NOL4: variants seen among roughly 807,000 people sequenced by gnomAD.
NOL4 encodes nucleolar protein 4, also known as cancer/testis antigen 125.
In NOL4, 17 loss-of-function variants were observed where a neutral mutation model predicts 75.9. That is an observed-to-expected ratio of 0.22 (90% confidence interval 0.15 to 0.34). The LOEUF is 0.34. Ranked by LOEUF, NOL4 falls within the 10% of genes least tolerant of loss-of-function variation. The probability of loss-of-function intolerance (pLI) is 1.00; values close to 1 mark genes in which losing one functional copy is unlikely to be tolerated. For missense variants in NOL4, 614 were observed against 793.5 expected, an observed-to-expected ratio of 0.77 and a Z score of 2.72; for synonymous variants, 292 against 289.9, an observed-to-expected ratio of 1.01 and a Z score of -0.07.
intron 2 of NOL4, among the ~76,000 whole-genome samples, chr18:34,120,332 G>A (rs2080081344): frequency 6.6e-6 from 1 of 152,194 alleles, no homozygotes; most frequent in East Asian, 1.9e-4. Context: ...TCATAAGCTA[G>A]CACATATACA....
chr18:33,918,254 T>C (rs1286737945), intron 9 of NOL4, among the ~76,000 whole-genome samples: 1 of 152,114 alleles, frequency 6.6e-6, no homozygotes, highest in Admixed American at 6.5e-5. Flanking sequence ...AGGCTGCTGG[T>C]TTCAAAGCAG....
chr18:34,056,975 T>C (rs925703196), intron 5 of NOL4, among the ~76,000 whole-genome samples: 2 of 152,210 alleles, frequency 1.3e-5, no homozygotes, highest in Non-Finnish European at 2.9e-5. Flanking sequence ...AAAAGTAACA[T>C]TGAACAAGGC....
rs529698241 is a variant in NOL4 at position 33,888,975 on chromosome 18, C to G, written c.1543-5551G>C. On this transcript the variant is annotated intron_variant, in intron 9 of 10. Transcript: ENST00000261592. ...ATTAAAAGAACTAGAGAAGCAAGAG[C>G]AAACAAATCAAAAGCTAGCAGAAGG... Among the ~76,000 whole-genome samples, 6 of 151,822 alleles carry G rather than the reference C, an allele frequency of 4.0e-5. No homozygotes were observed. The East Asian group carries it at 1.2e-3, about 29-fold the overall frequency.
chr18:33,952,865 G>A (rs918018227), intron 8 of NOL4, among the ~76,000 whole-genome samples: 13 of 152,214 alleles, frequency 8.5e-5, no homozygotes, highest in Middle Eastern at 6.8e-3. Flanking sequence ...TGGAGGTTGC[G>A]GTGAGCTGAG....
intron 5 of NOL4, among the ~76,000 whole-genome samples, chr18:34,059,122 C>CAT (rs55773398): frequency 0.1 from 12,140 of 117,202 alleles, 667 homozygotes; most frequent in East Asian, 0.32. Flanking sequence ...GATAGATATA[C>CAT]ATATATATAT....
chr18:34,087,742 A>C (rs1387539234), intron 5 of NOL4, among the ~76,000 whole-genome samples: 1 of 151,706 alleles, frequency 6.6e-6, no homozygotes, highest in Non-Finnish European at 1.5e-5. Context: ...TGAATGGTAC[A>C]TTTGCCTTTT....
At chr18:34,105,204 T>G (rs774824288) in intron 2 of NOL4, 44 bp from the exon 3 acceptor site, 1 of 1,213,038 alleles carries the variant, frequency 8.2e-7, no homozygotes, top group South Asian at 1.2e-5. Flanking sequence ...ATAAGCTCAC[T>G]GAGCATGATT....
intron 10 of NOL4, among the ~76,000 whole-genome samples, chr18:33,862,276 G>A (rs1469281321): frequency 6.6e-6 from 1 of 151,916 alleles, no homozygotes; most frequent in African/African-American, 2.4e-5. Context: ...AATTCAAGAT[G>A]GATTAAAGAC....
chr18:34,082,022 G>A (rs990224407), intron 5 of NOL4, among the ~76,000 whole-genome samples: 3 of 151,992 alleles, frequency 2.0e-5, no homozygotes, highest in African/African-American at 7.3e-5. Context: ...ATGATAATAG[G>A]AAGTTACAGG....
intron 1 of NOL4, among the ~76,000 whole-genome samples, chr18:34,139,514 A>G (rs1057203179): frequency 5.3e-5 from 8 of 152,126 alleles, no homozygotes; most frequent in African/African-American, 1.9e-4. Context: ...CTGTGGGATC[A>G]GTGGTGATCT....
intron 8 of NOL4, among the ~76,000 whole-genome samples, chr18:33,947,606 A>C (rs1394197530): frequency 6.6e-6 from 1 of 151,882 alleles, no homozygotes; most frequent in Non-Finnish European, 1.5e-5. Flanking sequence ...TATTTAAAAT[A>C]TTAGTTTACA....
At chr18:33,988,706 T>C (rs1023538382) in intron 6 of NOL4, among the ~76,000 whole-genome samples, 3 of 151,198 alleles carry the variant, frequency 2.0e-5, no homozygotes, top group Non-Finnish European at 4.4e-5. Flanking sequence ...CCACCCAAGA[T>C]AGCCAGATAT....
At chr18:34,008,998 C>T (rs973711965) in intron 6 of NOL4, among the ~76,000 whole-genome samples, 1 of 151,964 alleles carries the variant, frequency 6.6e-6, no homozygotes, top group South Asian at 2.1e-4. Context: ...TGCTACCTTA[C>T]AACCCAACAC....
intron 5 of NOL4, among the ~76,000 whole-genome samples, chr18:34,038,272 CACTT>C (rs2075998045): frequency 6.6e-6 from 1 of 151,920 alleles, no homozygotes; most frequent in Non-Finnish European, 1.5e-5. Context: ...GAAAAGCAAA[CACTT>C]ACATATTGTT....
At chr18:33,869,826 C>T (rs377099002) in intron 10 of NOL4, among the ~76,000 whole-genome samples, 78 of 152,100 alleles carry the variant, frequency 5.1e-4, no homozygotes, top group African/African-American at 1.2e-3. Context: ...TCTGACTTCT[C>T]TTAGTGATTT....
chr18:34,086,084 A>T (rs557186659), intron 5 of NOL4, among the ~76,000 whole-genome samples: 1 of 152,140 alleles, frequency 6.6e-6, no homozygotes, highest in South Asian at 2.1e-4. Flanking sequence ...GAATTAACTA[A>T]CTCAATTCAG....
chr18:34,200,123 A>T (rs1372154666), intron 1 of NOL4, among the ~76,000 whole-genome samples: 1 of 151,882 alleles, frequency 6.6e-6, no homozygotes, highest in Non-Finnish European at 1.5e-5. Flanking sequence ...AGAAATAAAC[A>T]TGTTACTTTT....
At chr18:33,860,237 T>A (rs556946028) in intron 10 of NOL4, among the ~76,000 whole-genome samples, 2 of 152,150 alleles carry the variant, frequency 1.3e-5, no homozygotes, top group African/African-American at 4.8e-5. Context: ...GGAATTACAA[T>A]TTGAGAGGAG....
rs1401098629 is a variant in NOL4, at chr18:34,142,772, T to C, written c.265-12752A>G. 2.0e-5 allele frequency among the ~76,000 whole-genome samples: 3 copies of C among 152,118 alleles called. No individual in the cohort carries two copies. In the East Asian group the frequency reaches 5.8e-4, roughly 29 times the overall value. ...GTGCAGCACACCAACATGGCACATG[T>C]ATACATATGTAACAAACCTGCACGT... is the stretch of plus-strand genomic sequence containing the variant. On this transcript the variant is annotated intron_variant, in intron 1 of 10. Coordinates refer to ENST00000261592, the MANE Select transcript of NOL4 (RefSeq NM_003787.5).
Sources: gnomAD v4.1 joint callset for allele counts (sites outside exome capture counted in the v4.1 genomes callset) on GRCh38, gnomAD v4.1.1 for gene constraint, MANE v1.5 for transcripts, NCBI Gene and HGNC (gene_info 2026-07-23, HGNC 2026-07-21) for gene names.